CHN2: variants seen among roughly 807,000 people sequenced by gnomAD.
The protein encoded by CHN2 is beta-chimaerin.
A neutral mutation model predicts 56.3 loss-of-function variants in CHN2; 35 were observed. The observed-to-expected ratio is 0.62, with a 90% CI of 0.47 to 0.82. The LOEUF (loss-of-function observed/expected upper bound fraction) is 0.82, where lower values mean the gene tolerates loss of function less well. CHN2 is among the 40% of genes least tolerant of loss of function. The probability of loss-of-function intolerance (pLI) is 0.00; values close to 1 mark genes in which losing one functional copy is unlikely to be tolerated. For missense variants in CHN2, 491 were observed against 580.5 expected, an observed-to-expected ratio of 0.85 and a Z score of 1.58; for synonymous variants, 210 against 212.8, an observed-to-expected ratio of 0.99 and a Z score of 0.12.
chr7:29,464,341 C>T (rs1278954281), intron 6 of CHN2, among the ~76,000 whole-genome samples: 2 of 152,116 alleles, frequency 1.3e-5, no homozygotes, highest in African/African-American at 2.4e-5. Context: ...GCCTGTAATC[C>T]TCCAAGAAAG....
chr7:29,493,286 A>G (rs1788858177), intron 7 of CHN2, among the ~76,000 whole-genome samples: 2 of 152,158 alleles, frequency 1.3e-5, no homozygotes, highest in African/African-American at 2.4e-5. Context: ...AGGCCCTACC[A>G]TCTAGGTTTG....
At chr7:29,248,600 C>G (rs1788254620) in intron 1 of CHN2, among the ~76,000 whole-genome samples, 1 of 152,228 alleles carries the variant, frequency 6.6e-6, no homozygotes, top group Non-Finnish European at 1.5e-5. Flanking sequence ...ATCCGCAGAG[C>G]TCTGGTGGTT....
chr7:29,189,440 G>T (rs1191746873), intron 2 of CHN2, among the ~76,000 whole-genome samples: 3 of 152,044 alleles, frequency 2.0e-5, no homozygotes, highest in African/African-American at 7.2e-5. Context: ...AGGAACCCCC[G>T]CAGAAGACAC....
At chr7:29,461,703 G>T (rs897441261) in intron 6 of CHN2, among the ~76,000 whole-genome samples, 1 of 152,126 alleles carries the variant, frequency 6.6e-6, no homozygotes, top group African/African-American at 2.4e-5. Flanking sequence ...ACAGAGGTTA[G>T]GTATTATTTC....
chr7:29,488,703 C>T (rs1031321100), intron 7 of CHN2, among the ~76,000 whole-genome samples: 1 of 152,102 alleles, frequency 6.6e-6, no homozygotes, highest in Non-Finnish European at 1.5e-5. Context: ...CCCCCTGACC[C>T]CTGGGGGACA....
intron 1 of CHN2, among the ~76,000 whole-genome samples, chr7:29,218,762 A>T (rs1785535760): frequency 6.9e-6 from 1 of 144,060 alleles, no homozygotes; most frequent in Non-Finnish European, 1.5e-5. Flanking sequence ...ATGAGAACAC[A>T]TGGACACAGG....
At chr7:29,295,971 G>A (rs1330111865) in intron 1 of CHN2, among the ~76,000 whole-genome samples, 2 of 152,208 alleles carry the variant, frequency 1.3e-5, no homozygotes, top group Admixed American at 6.5e-5. Flanking sequence ...TGGCAGCTGA[G>A]CTGTCTGTGG....
chr7:29,257,576 T>C (rs1281608876), intron 1 of CHN2, among the ~76,000 whole-genome samples: 1 of 152,176 alleles, frequency 6.6e-6, no homozygotes. Context: ...ACTGAAAAGA[T>C]GTTTTTGCAT....
At chr7:29,507,598 T>C (rs1356420672) in intron 11 of CHN2, among the ~76,000 whole-genome samples, 1 of 152,144 alleles carries the variant, frequency 6.6e-6, no homozygotes, top group East Asian at 1.9e-4. Flanking sequence ...ACATTGTTCC[T>C]TGTATGCTGG....
chr7:29,334,802 G>A (rs574354230), intron 1 of CHN2, among the ~76,000 whole-genome samples: 9 of 152,262 alleles, frequency 5.9e-5, no homozygotes, highest in East Asian at 3.9e-4. Context: ...CATGCTTGTC[G>A]TGACTCTGTC....
intron 6 of CHN2, among the ~76,000 whole-genome samples, chr7:29,432,957 T>C (rs1200682657): frequency 6.6e-6 from 1 of 152,218 alleles, no homozygotes; most frequent in Non-Finnish European, 1.5e-5. Flanking sequence ...TGGCGACAGC[T>C]CTGTAACTCC....
At position 29,326,420 on chromosome 7, in the gene CHN2, T is replaced by C. The variant is rs527876328; in HGVS notation, c.50-28205T>C. The stretch of plus-strand genomic sequence containing the variant: ...ATCCGCCTGCCTTGGCTTCCCAAAG[T>C]GTTGGGATTACAGGTGTCAGCCACT... On this transcript the variant is annotated intron_variant, in intron 1 of 12. Transcript: ENST00000222792. 3.3e-5 allele frequency among the ~76,000 whole-genome samples: 5 copies of C among 152,274 alleles called. No individual in the cohort carries two copies. In the South Asian group the frequency reaches 1.0e-3, roughly 32 times the overall value.
At chr7:29,491,600 A>G (rs539992553) in intron 7 of CHN2, among the ~76,000 whole-genome samples, 2 of 152,162 alleles carry the variant, frequency 1.3e-5, no homozygotes, top group South Asian at 4.2e-4. Flanking sequence ...TTAGAGATGG[A>G]GTCTCACTAT....
intron 2 of CHN2, among the ~76,000 whole-genome samples, chr7:29,168,377 C>T (rs1308142623): frequency 1.3e-5 from 2 of 152,092 alleles, no homozygotes; most frequent in African/African-American, 4.8e-5. Flanking sequence ...TTAAATAAAA[C>T]TTTTTATCTT....
intron 3 of CHN2, among the ~76,000 whole-genome samples, chr7:29,381,355 C>G (rs1456231554): frequency 6.6e-6 from 1 of 152,134 alleles, no homozygotes; most frequent in African/African-American, 2.4e-5. Flanking sequence ...AGGCTCGTGC[C>G]AGAAAAGTAT....
intron 3 of CHN2, among the ~76,000 whole-genome samples, chr7:29,374,641 T>G (rs1347418015): frequency 3.9e-5 from 6 of 151,926 alleles, no homozygotes; most frequent in Admixed American, 6.6e-5. Context: ...GCAGGTGAGG[T>G]GAGCTGGAGA....
In CHN2 at chr7:29,256,147, C is replaced by A. The variant is rs144682296; in HGVS notation, c.49+61157C>A. On this transcript the variant is annotated intron_variant, in intron 1 of 12. Transcript: ENST00000222792. ...TGAGCTTTCACCTTTAGGTTGTGGT[C>A]AGCTCTAGACCCAGTGAGAGGCTGC... Among the ~76,000 whole-genome samples the A allele has an allele frequency of 3.3e-5, 5 of 152,246 alleles. No homozygotes were observed. In the East Asian group the frequency reaches 9.6e-4, roughly 29 times the overall value.
At chr7:29,291,074 C>T (rs1792574207) in intron 1 of CHN2, among the ~76,000 whole-genome samples, 1 of 152,176 alleles carries the variant, frequency 6.6e-6, no homozygotes, top group African/African-American at 2.4e-5. Flanking sequence ...GGAGGGGCCA[C>T]AGGTGCAGTG....
At chr7:29,316,380 T>C (rs967312887) in intron 1 of CHN2, among the ~76,000 whole-genome samples, 3 of 152,160 alleles carry the variant, frequency 2.0e-5, no homozygotes, top group Non-Finnish European at 4.4e-5. Context: ...GTAAGGCAAT[T>C]TGCTTCCCTT....
Sources: gnomAD v4.1 joint callset for allele counts (sites outside exome capture counted in the v4.1 genomes callset) on GRCh38, gnomAD v4.1.1 for gene constraint, MANE v1.5 for transcripts, NCBI Gene and HGNC (gene_info 2026-07-23, HGNC 2026-07-21) for gene names.